ABCB10: variants seen among roughly 807,000 people sequenced by gnomAD.
The protein encoded by ABCB10 is ATP binding cassette subfamily B member 10, also known as ATP-binding cassette sub-family B member 10, mitochondrial.
A neutral mutation model predicts 65.4 loss-of-function variants in ABCB10; 54 were observed. That is an observed-to-expected ratio of 0.83 (90% CI 0.66 to 1.04). The LOEUF (loss-of-function observed/expected upper bound fraction) is 1.04. Among genes scored for constraint, ABCB10 ranks in the 50% least tolerant of loss-of-function variants. The probability of loss-of-function intolerance (pLI) is 0.00; values close to 1 mark genes in which losing one functional copy is unlikely to be tolerated. For synonymous variants in ABCB10, 418 were observed against 406.5 expected (o/e 1.03, Z -0.34); for missense variants, 846 against 976.6 (o/e 0.87, Z 1.78).
chr1:229,551,210 C>T (rs1663107142), intron 1 of ABCB10, among the ~76,000 whole-genome samples: 1 of 152,138 alleles, frequency 6.6e-6, no homozygotes, highest in Non-Finnish European at 1.5e-5. Flanking sequence ...AGAAAAATTG[C>T]TCTTGCCCCT....
chr1:229,534,656 G>A (rs978835555), intron 6 of ABCB10, among the ~76,000 whole-genome samples: 10 of 151,722 alleles, frequency 6.6e-5, no homozygotes, highest in South Asian at 2.1e-4. Context: ...ATCACCTGAG[G>A]TCAGGAGTTC....
intron 1 of ABCB10, 141 bp downstream of exon 1, chr1:229,557,995 T>TC: frequency 1.1e-6 from 1 of 923,832 alleles, no homozygotes; most frequent in Non-Finnish European, 1.4e-6. Flanking sequence ...ATCCCCTCCC[T>TC]CCTCCGGGGT....
chr1:229,533,186 GTAGTATC>G (rs1481806225), intron 6 of ABCB10, among the ~76,000 whole-genome samples: 1 of 151,952 alleles, frequency 6.6e-6, no homozygotes, highest in African/African-American at 2.4e-5. Flanking sequence ...CTGCTGTGGT[GTAGTATC>G]TATCACTGAA....
At chr1:229,531,542 C>A in intron 7 of ABCB10, 94 bp downstream of exon 7, 1 of 1,266,062 alleles carries the variant, frequency 7.9e-7, no homozygotes, top group Non-Finnish European at 1.1e-6. Flanking sequence ...TACTGTGGCT[C>A]ATCCCTCACT....
intron 1 of ABCB10, among the ~76,000 whole-genome samples, chr1:229,551,970 TG>T (rs1663127368): frequency 1.3e-5 from 2 of 150,906 alleles, no homozygotes; most frequent in South Asian, 4.1e-4. Context: ...AAATCAGTTA[TG>T]ATTCTACAAT....
chr1:229,542,201 C>G (rs766043993), intron 4 of ABCB10, 36 bp downstream of exon 4: 1 of 1,608,100 alleles, frequency 6.2e-7, no homozygotes, highest in Non-Finnish European at 8.5e-7. Flanking sequence ...TGACCCCATT[C>G]TGCTGGAAAC....
intron 7 of ABCB10, among the ~76,000 whole-genome samples, chr1:229,531,066 T>TG (rs930311270): frequency 2.6e-5 from 4 of 152,152 alleles, no homozygotes; most frequent in Admixed American, 2.6e-4. Flanking sequence ...AATAAGCAGC[T>TG]GGGAGTGGTT....
At chr1:229,537,104 G>A (rs970712373) in intron 6 of ABCB10, among the ~76,000 whole-genome samples, 5 of 152,202 alleles carry the variant, frequency 3.3e-5, no homozygotes, top group African/African-American at 1.2e-4. Flanking sequence ...TAAATACATA[G>A]AGACAGAAAG....
rs548929326 is a variant in ABCB10, at chr1:229,538,474, A to G, written c.1339+982T>C. Among the ~76,000 whole-genome samples, 6 of 152,316 alleles carry G rather than the reference A, an allele frequency of 3.9e-5. No individual in the cohort carries two copies. In the South Asian group the frequency reaches 1.2e-3, roughly 32 times the overall value. On this transcript the variant is annotated intron_variant, in intron 6 of 12. Coordinates refer to ENST00000344517, the MANE Select transcript of ABCB10 (RefSeq NM_012089.3). ...CAACAGGGTGTGAAACCTCCAGCCC[A>G]GCAGGCTCAATCCAGGAAACGGAGA... is the stretch of plus-strand genomic sequence containing the variant.
chr1:229,542,373 T>C lies in ABCB10; in HGVS notation c.922-2A>G. 2 of 1,604,680 alleles carry C rather than the reference T, an allele frequency of 1.2e-6. No homozygotes were observed. The highest frequency in any genetic ancestry group is 1.1e-5 in the South Asian group (1 of 89,212). On this transcript the variant is annotated splice_acceptor_variant, in intron 3 of 12. Transcript: ENST00000344517. LOFTEE classifies it high-confidence loss of function. The stretch of plus-strand genomic sequence containing the variant: ...GGCCAGATTAGGTGAGACAAAAAAC[T>C]GTCAAAAACAAAAAAAAATTCAGAG...
At chr1:229,557,715 T>C (rs781545691) in intron 1 of ABCB10, among the ~76,000 whole-genome samples, 2 of 151,668 alleles carry the variant, frequency 1.3e-5, no homozygotes, top group African/African-American at 4.9e-5. Flanking sequence ...TTGAAGCAAA[T>C]AATGTGTTTT....
intron 10 of ABCB10, among the ~76,000 whole-genome samples, chr1:229,524,295 G>A (rs1222328442): frequency 6.6e-6 from 1 of 151,924 alleles, no homozygotes; most frequent in Non-Finnish European, 1.5e-5. Context: ...CCGAGTAGCT[G>A]GGACCATAAG....
At chr1:229,542,126 A>G in intron 4 of ABCB10, 111 bp downstream of exon 4, 1 of 1,347,262 alleles carries the variant, frequency 7.4e-7, no homozygotes. Context: ...ATGAAAGGAA[A>G]GGCAGGCACT....
intron 8 of ABCB10, among the ~76,000 whole-genome samples, chr1:229,529,558 T>C (rs1198479773): frequency 2.0e-5 from 3 of 147,532 alleles, no homozygotes; most frequent in Non-Finnish European, 4.5e-5. Flanking sequence ...TAGTCCCAGC[T>C]ACTCGGGAGG....
At chr1:229,522,478 TTGGGAGCCACTG>T (rs781506072) in intron 10 of ABCB10, among the ~76,000 whole-genome samples, 21 of 152,282 alleles carry the variant, frequency 1.4e-4, no homozygotes, top group Non-Finnish European at 2.1e-4. Context: ...AGTGCTGAGA[TTGGGAGCCACTG>T]TGTGAGCCAC....
At position 229,558,401 on chromosome 1, in the gene ABCB10, C is replaced by A; in HGVS notation, c.252G>T (p.Leu84=). The A allele has an allele frequency of 8.3e-7, 1 of 1,206,904 alleles. No individual in the cohort carries two copies. 74.8% of individuals were successfully genotyped at this position (1,206,904 alleles called of 1,614,324 possible). A position where few individuals can be genotyped will look rare whatever the true frequency, so the allele number is the denominator to read the frequency against. The change falls in exon 1 of 13, where the codon CTG becomes CTT. Residue 84 remains leucine, a synonymous_variant. Transcript: ENST00000344517. The part of the protein sequence containing the change: ...GGGPGASRGV[L]GLARLLGLWA... ...ACAGCCCCAGGAGCCGCGCGAGGCCCAGGACGCCCCGCGAGGCGCCCGGAC... is the reference window on the plus strand; with the variant it reads ...ACAGCCCCAGGAGCCGCGCGAGGCCAAGGACGCCCCGCGAGGCGCCCGGAC...
At chr1:229,550,288 G>A (rs1338157078) in intron 1 of ABCB10, among the ~76,000 whole-genome samples, 2 of 152,010 alleles carry the variant, frequency 1.3e-5, no homozygotes, top group Non-Finnish European at 2.9e-5. Context: ...CACTTCAGGA[G>A]GCTGAGGTGG....
intron 9 of ABCB10, among the ~76,000 whole-genome samples, chr1:229,527,021 A>G (rs576922775): frequency 5.9e-5 from 9 of 152,102 alleles, no homozygotes; most frequent in Admixed American, 2.0e-4. Context: ...TAAAAAGTCA[A>G]TGCTTCACCC....
Position 229,525,981 on chromosome 1 carries a change from G to A in ABCB10, c.1861C>T (p.Gln621Ter), listed in dbSNP as rs1339378422. 7 of 1,614,042 alleles carry A rather than the reference G, an allele frequency of 4.3e-6. No homozygotes were observed. The highest frequency in any genetic ancestry group is 1.3e-5 in the African/African-American group (1 of 74,928). The change falls in exon 10 of 13, where the codon CAA becomes TAA. Residue 621 changes from glutamine (Q) to a stop codon, truncating the protein, a stop_gained. Coordinates refer to ENST00000344517, the MANE Select transcript of ABCB10 (RefSeq NM_012089.3). LOFTEE classifies it high-confidence loss of function. ...NAVAFIRNFPQGFNTVVGEKG... is the reference protein window; with the variant it reads ...NAVAFIRNFP ...TCTCCAACCACAGTGTTGAACCCTT[G>A]GGGGAAATTCCGGATGAAGGCCACT...
Sources: gnomAD v4.1 joint callset for allele counts (sites outside exome capture counted in the v4.1 genomes callset) on GRCh38, gnomAD v4.1.1 for gene constraint, MANE v1.5 for transcripts, NCBI Gene and HGNC (gene_info 2026-07-23, HGNC 2026-07-21) for gene names.